The following EYS variants were observed in gnomAD, a reference collection of about 807,000 sequenced individuals.
The protein encoded by EYS is EGF-like photoreceptor maintenance factor.
EYS carries 250 observed loss-of-function variants against 282.1 expected under a neutral mutation model. The ratio of observed to expected loss-of-function variants is 0.89; its 90% CI spans 0.80 to 0.98. The LOEUF (loss-of-function observed/expected upper bound fraction) is 0.98, where lower values mean the gene tolerates loss of function less well. EYS is among the 50% of genes least tolerant of loss of function. The probability of loss-of-function intolerance (pLI) is 0.00; values close to 1 mark genes in which losing one functional copy is unlikely to be tolerated. For missense variants in EYS, 4,016 were observed against 3,709.0 expected, an observed-to-expected ratio of 1.08 and a Z score of -2.15; for synonymous variants, 1,355 against 1,282.9, an observed-to-expected ratio of 1.06 and a Z score of -1.20.
At position 65,209,463 on chromosome 6, in the gene EYS, T is replaced by C. The variant is rs138810085; in HGVS notation, c.2023+86400A>G. ...TGATCCCCCACTTAATATAGAGTAA[T>C]ATAAACACAACAAGGAATGTTTATT... On this transcript the variant is annotated intron_variant, in intron 12 of 42. Coordinates refer to ENST00000503581, the MANE Select transcript of EYS (RefSeq NM_001142800.2). Among the ~76,000 whole-genome samples the C allele has an allele frequency of 2.1e-3, 326 of 151,990 alleles. 4 individuals are homozygous for C. Among genetic ancestry groups the C allele is most frequent in the African/African-American group, 7.5e-3 (310 of 41,532 alleles).
intron 26 of EYS, among the ~76,000 whole-genome samples, chr6:64,500,524 A>G (rs1777005118): frequency 6.6e-6 from 1 of 151,256 alleles, no homozygotes; most frequent in East Asian, 1.9e-4. Flanking sequence ...CATTTCTGAG[A>G]AAAAAAAATT....
intron 15 of EYS, among the ~76,000 whole-genome samples, chr6:64,914,028 C>A (rs16896019): frequency 6.6e-6 from 1 of 152,026 alleles, no homozygotes; most frequent in East Asian, 1.9e-4. Context: ...ATCCATGAAA[C>A]GAGGCTAGTC....
intron 28 of EYS, among the ~76,000 whole-genome samples, chr6:64,422,795 C>T (rs1774277697): frequency 6.6e-6 from 1 of 152,104 alleles, no homozygotes; most frequent in African/African-American, 2.4e-5. Flanking sequence ...TTTAATATTC[C>T]TGTCACCTTA....
At chr6:64,005,165 T>G (rs954991164) in intron 33 of EYS, among the ~76,000 whole-genome samples, 1 of 152,220 alleles carries the variant, frequency 6.6e-6, no homozygotes, top group African/African-American at 2.4e-5. Context: ...TTCTGACTAG[T>G]GTGAGATGGT....
intron 13 of EYS, among the ~76,000 whole-genome samples, chr6:65,016,681 A>G (rs1429183750): frequency 2.6e-5 from 4 of 152,346 alleles, no homozygotes; most frequent in Admixed American, 2.6e-4. Context: ...CAATAAAAAC[A>G]TGAAAAGATT....
chr6:65,443,918 A>T (rs1475799012), intron 5 of EYS, among the ~76,000 whole-genome samples: 2 of 151,808 alleles, frequency 1.3e-5, no homozygotes, highest in Non-Finnish European at 2.9e-5. Context: ...TTTTCTTTAT[A>T]TCCATAAGAT....
chr6:64,380,716 C>T (rs1370545330), intron 29 of EYS, among the ~76,000 whole-genome samples: 5 of 152,066 alleles, frequency 3.3e-5, no homozygotes, highest in African/African-American at 7.2e-5. Flanking sequence ...AATACAGGCA[C>T]TTTAAAAAAT....
chr6:64,097,748 G>A (rs753578860), intron 31 of EYS, among the ~76,000 whole-genome samples: 3 of 152,120 alleles, frequency 2.0e-5, no homozygotes, highest in Admixed American at 6.5e-5. Flanking sequence ...TCGGTACACT[G>A]ACATTGTCAT....
At chr6:65,499,335 A>G (rs1331296941) in intron 2 of EYS, among the ~76,000 whole-genome samples, 1 of 152,076 alleles carries the variant, frequency 6.6e-6, no homozygotes, top group African/African-American at 2.4e-5. Flanking sequence ...TAGTTGGCAT[A>G]TAATAGGCAT....
chr6:65,343,045 T>C (rs1770257241), intron 10 of EYS, among the ~76,000 whole-genome samples: 1 of 151,044 alleles, frequency 6.6e-6, no homozygotes, highest in African/African-American at 2.4e-5. Flanking sequence ...ATTGGCAAAA[T>C]ATATATATAT....
intron 12 of EYS, among the ~76,000 whole-genome samples, chr6:65,172,559 A>C (rs901205977): frequency 6.6e-6 from 1 of 151,388 alleles, no homozygotes; most frequent in Non-Finnish European, 1.5e-5. Flanking sequence ...AATGTAAAAC[A>C]TGTACCAAAT....
chr6:65,578,262 T>C (rs1305351020), intron 2 of EYS, among the ~76,000 whole-genome samples: 1 of 150,634 alleles, frequency 6.6e-6, no homozygotes, highest in Non-Finnish European at 1.5e-5. Flanking sequence ...AAGAAGGAAG[T>C]CCTATCATTT....
At chr6:64,347,150 AAAAC>A (rs1771437258) in intron 29 of EYS, among the ~76,000 whole-genome samples, 1 of 151,456 alleles carries the variant, frequency 6.6e-6, no homozygotes, top group Non-Finnish European at 1.5e-5. Flanking sequence ...CTCAAATAAT[AAAAC>A]AGAGGAAGAA....
chr6:65,681,422 T>G (rs1289447213), intron 1 of EYS, among the ~76,000 whole-genome samples: 1 of 151,982 alleles, frequency 6.6e-6, no homozygotes, highest in Non-Finnish European at 1.5e-5. Flanking sequence ...GAAGAAAAAT[T>G]TAAGTGAAAT....
chr6:64,358,727 A>G (rs1771913927), intron 29 of EYS, among the ~76,000 whole-genome samples: 1 of 151,684 alleles, frequency 6.6e-6, no homozygotes. Flanking sequence ...TTGAGACAGT[A>G]TCTAAAATAT....
intron 13 of EYS, among the ~76,000 whole-genome samples, chr6:65,029,087 T>C (rs1772517995): frequency 6.6e-6 from 1 of 152,180 alleles, no homozygotes; most frequent in African/African-American, 2.4e-5. Flanking sequence ...GTCCCCTGTG[T>C]CCTTTTGATT....
At chr6:64,379,150 T>C (rs1740780430) in intron 29 of EYS, among the ~76,000 whole-genome samples, 1 of 152,314 alleles carries the variant, frequency 6.6e-6, no homozygotes, top group Admixed American at 6.5e-5. Context: ...GATTTTCTTA[T>C]GTAAGATCAT....
Position 64,391,932 on chromosome 6 carries a change from T to A in EYS, c.5928-3092A>T, listed in dbSNP as rs1244669688. ...CTCAAAATAAAAGGATGGAGGAAGA[T>A]CTACCAAGCAAATGGAAAACAAAAA... On this transcript the variant is annotated intron_variant, in intron 28 of 42. Transcript: ENST00000503581. Among the ~76,000 whole-genome samples the A allele has an allele frequency of 2.0e-5, 3 of 151,734 alleles. No homozygotes were observed. In the South Asian group the frequency reaches 6.2e-4, roughly 32 times the overall value.
chr6:65,650,782 C>A (rs1166769885), intron 1 of EYS, among the ~76,000 whole-genome samples: 2 of 152,146 alleles, frequency 1.3e-5, no homozygotes, highest in Non-Finnish European at 2.9e-5. Context: ...CCTGCTTATA[C>A]TCTCACATTT....
Sources: allele counts gnomAD v4.1 joint callset (sites outside exome capture counted in the v4.1 genomes callset), GRCh38; gene constraint gnomAD v4.1.1; transcripts MANE v1.5; gene names NCBI Gene and HGNC (gene_info 2026-07-23, HGNC 2026-07-21).